The following TNK1 variants were observed in gnomAD, a reference collection of about 807,000 sequenced individuals.
TNK1 encodes the protein tyrosine kinase non receptor 1, also known as non-receptor tyrosine-protein kinase TNK1.
Under a neutral mutation model 65.2 loss-of-function variants are expected in TNK1, and 53 were observed. That is an observed-to-expected ratio of 0.81 (90% CI 0.65 to 1.02). The LOEUF (loss-of-function observed/expected upper bound fraction) is 1.02, where lower values mean the gene tolerates loss of function less well. TNK1 is among the 50% of genes least tolerant of loss of function. The pLI, the probability that TNK1 is intolerant of heterozygous loss-of-function variation, is 0.00. For synonymous variants in TNK1, 353 were observed against 364.6 expected (o/e 0.97, Z 0.36); for missense variants, 837 against 878.4 (o/e 0.95, Z 0.60).
At position 7,386,553 on chromosome 17, in the gene TNK1, C is replaced by A. The variant is rs1395245428; in HGVS notation, c.1138-8C>A. The stretch of plus-strand genomic sequence containing the variant: ...AAGCCCAGCCACCCTTTCCTCTTGT[C>A]TCCACAGGCCGGGCCTTCGGAAGCA... On this transcript the variant is annotated splice_polypyrimidine_tract_variant and splice_region_variant and intron_variant, in intron 7 of 12. Coordinates refer to ENST00000688331, the MANE Select transcript of TNK1 (RefSeq NM_003985.6). The A allele has an allele frequency of 1.3e-6, 2 of 1,593,816 alleles. No homozygotes were observed. Among genetic ancestry groups the A allele is most frequent in the African/African-American group, 2.7e-5 (2 of 74,638 alleles).
Position 7,383,774 on chromosome 17 carries a change from C to T in TNK1, c.492C>T (p.Asp164=), listed in dbSNP as rs776446959. 6.2e-7 allele frequency: 1 copy of T among 1,613,004 alleles called. No individual in the cohort carries two copies. Among genetic ancestry groups the T allele is most frequent in the Non-Finnish European group, 8.5e-7 (1 of 1,179,470 alleles). ...PEGPMGTELG[D]FLREVSVMMN... is the part of the protein sequence containing the mutation. The stretch of plus-strand genomic sequence containing the variant: ...GCCCGATGGGCACAGAACTGGGGGA[C>T]TTCCTGCGAGAGGTATCGGTCATGA... The change falls in exon 5 of 13, where the codon GAC becomes GAT. Residue 164 remains aspartate (D), a synonymous_variant. Coordinates refer to ENST00000688331, the MANE Select transcript of TNK1 (RefSeq NM_003985.6).
At chr17:7,383,655 C>T (rs372281642) in intron 4 of TNK1, 39 bp downstream of exon 4, 3 of 1,596,850 alleles carry the variant, frequency 1.9e-6, no homozygotes, top group African/African-American at 1.3e-5. Context: ...AGGCCAGCTG[C>T]CCCCTCTGTT....
chr17:7,387,453 G>T lies in TNK1; in HGVS notation c.1473G>T (p.Met491Ile). 6.3e-7 allele frequency: 1 copy of T among 1,575,090 alleles called. No individual in the cohort carries two copies. Among genetic ancestry groups the T allele is most frequent in the Non-Finnish European group, 8.6e-7 (1 of 1,159,976 alleles). ...GGAGGAACATGCCCCTGGAGAGGATGAAAGGTGGGTGTGGTGGACTCCAGA... is the reference window on the plus strand; with the variant it reads ...GGAGGAACATGCCCCTGGAGAGGATTAAAGGTGGGTGTGGTGGACTCCAGA... The part of the protein sequence containing the change: ...GQRRNMPLER[M>I]KGISRSLESV... The change falls in exon 10 of 13, where the codon ATG (methionine) becomes ATT (isoleucine). Residue 491 changes from methionine to isoleucine, a missense_variant. Coordinates refer to ENST00000688331, the MANE Select transcript of TNK1 (RefSeq NM_003985.6).
At chr17:7,385,631 C>T (rs1437825173) in intron 7 of TNK1, among the ~76,000 whole-genome samples, 1 of 152,002 alleles carries the variant, frequency 6.6e-6, no homozygotes, top group Non-Finnish European at 1.5e-5. Flanking sequence ...GTGGTGGGAT[C>T]TTGGCTCACT....
At position 7,384,720 on chromosome 17, in the gene TNK1, C is replaced by T; in HGVS notation, c.1103C>T (p.Pro368Leu). 6.3e-7 allele frequency: 1 copy of T among 1,585,732 alleles called. No homozygotes were observed. Among genetic ancestry groups the T allele is most frequent in the Non-Finnish European group, 8.5e-7 (1 of 1,169,980 alleles). The change falls in exon 7 of 13, where the codon CCT becomes CTT. Residue 368 changes from proline (P) to leucine (L), a missense_variant. Pro to Leu is a moderately conservative substitution (Grantham distance 98). Coordinates refer to ENST00000688331, the MANE Select transcript of TNK1 (RefSeq NM_003985.6). The part of the protein sequence containing the change: ...RCWAPHPADR[P>L]SFSHLEGLLQ... ...TGGGCCCCCCACCCTGCCGACCGGC[C>T]TAGCTTTTCCCACCTGGAGGGGCTG... is the stretch of plus-strand genomic sequence containing the variant.
In TNK1 at chr17:7,389,351, A is replaced by C; in HGVS notation, c.*267A>C. Reference sequence around the variant, plus strand: ...TCTAGTCTGCCCACTACATTCTCAAACAAGAGGACTTGGAAGAAAAGAGCT... The same window carrying C: ...TCTAGTCTGCCCACTACATTCTCAACCAAGAGGACTTGGAAGAAAAGAGCT... On this transcript the variant is annotated 3_prime_UTR_variant, in exon 13 of 13. Coordinates refer to ENST00000688331, the MANE Select transcript of TNK1 (RefSeq NM_003985.6). 1.9e-6 allele frequency: 1 copy of C among 534,734 alleles called. No homozygotes were observed. The highest frequency in any genetic ancestry group is 3.0e-5 in the South Asian group (1 of 33,662). 33.1% of individuals were successfully genotyped at this position (534,734 alleles called of 1,614,324 possible).
At position 7,388,450 on chromosome 17, in the gene TNK1, C is replaced by T. The variant is rs753875023; in HGVS notation, c.1522C>T (p.Pro508Ser). ...LESVLSLGPR[P>S]TGGGSSPPEI... ...GTCAGTTCTGTCCCTCGGTCCTCGTCCCACAGGGGGTGGTTCAAGCCCCCC... is the reference window on the plus strand; with the variant it reads ...GTCAGTTCTGTCCCTCGGTCCTCGTTCCACAGGGGGTGGTTCAAGCCCCCC... Residue 508 changes from proline to serine, a missense_variant, in exon 11 of 13, where the codon CCC becomes TCC. Pro to Ser is a moderately conservative substitution (Grantham distance 74, BLOSUM62 -1). Transcript: ENST00000688331. The surrounding 1 kb of genome is among the most constrained non-coding windows in gnomAD (Gnocchi z 4.5). The T allele has an allele frequency of 1.2e-6, 2 of 1,613,648 alleles. No homozygotes were observed. The highest frequency in any genetic ancestry group is 1.7e-6 in the Non-Finnish European group (2 of 1,179,758).
chr17:7,382,260 C>T lies in TNK1; in HGVS notation c.-91-576C>T, dbSNP rs1468425288. On this transcript the variant is annotated intron_variant, in intron 1 of 12. Coordinates refer to ENST00000688331, the MANE Select transcript of TNK1 (RefSeq NM_003985.6). The surrounding 1 kb of genome is among the most constrained non-coding windows in gnomAD (Gnocchi z 4.1). ...CAGCCTAGATGACAGAGCGAGACTC[C>T]GTCTCAAAAAAAAAAAAAAAGAGGA... Among the ~76,000 whole-genome samples the T allele has an allele frequency of 1.9e-4, 13 of 70,232 alleles. No individual in the cohort carries two copies. In the South Asian group the frequency reaches 2.0e-3, roughly 11 times the overall value. The allele number at this position is 70,232 out of a possible 152,430, so 46.1% of individuals were successfully genotyped here. A position where few individuals can be genotyped will look rare whatever the true frequency, so the allele number is the denominator to read the frequency against.
At chr17:7,385,364 C>CA (rs527619972) in intron 7 of TNK1, among the ~76,000 whole-genome samples, 57,670 of 130,228 alleles carry the variant, frequency 0.44, 13,020 homozygotes, top group Non-Finnish European at 0.5. Context: ...AACTCCGTCT[C>CA]AAAAAAAAAA....
chr17:7,384,124 T>C lies in TNK1; in HGVS notation c.737T>C (p.Leu246Pro). The change falls in exon 6 of 13, where the codon CTC becomes CCC. Residue 246 changes from leucine (L) to proline (P), a missense_variant. Physicochemically the swap from Leu to Pro is moderately conservative, Grantham distance 98. Coordinates refer to ENST00000688331, the MANE Select transcript of TNK1 (RefSeq NM_003985.6). ...LGARGLVHRD[L>P]ATRNLLLASP... ...GCCCGCGGGCTGGTGCACCGAGACC[T>C]CGCTACGCGCAACCTACTGCTGGCG... The C allele has an allele frequency of 6.5e-7, 1 of 1,548,268 alleles. No homozygotes were observed. The highest frequency in any genetic ancestry group is 2.4e-5 in the East Asian group (1 of 41,450).
Position 7,387,449 on chromosome 17 carries a change from G to A in TNK1, c.1469G>A (p.Arg490Lys). The stretch of plus-strand genomic sequence containing the variant: ...CAGAGGAGGAACATGCCCCTGGAGA[G>A]GATGAAAGGTGGGTGTGGTGGACTC... ...RGQRRNMPLE[R>K]MKGISRSLES... The change falls in exon 10 of 13, where the codon AGG (arginine) becomes AAG (lysine). Residue 490 changes from arginine to lysine, a missense_variant. Physicochemically the swap from Arg to Lys is conservative, Grantham distance 26. Transcript: ENST00000688331. 6.3e-7 allele frequency: 1 copy of A among 1,581,584 alleles called. No individual in the cohort carries two copies. The highest frequency in any genetic ancestry group is 1.8e-5 in the Admixed American group (1 of 54,976).
chr17:7,387,411 C>T lies in TNK1; in HGVS notation c.1431C>T (p.Pro477=). Residue 477 remains proline (P), a synonymous_variant, in exon 10 of 13, where the codon CCC becomes CCT. Coordinates refer to ENST00000688331, the MANE Select transcript of TNK1 (RefSeq NM_003985.6). The part of the protein sequence containing the change: ...DRKKANLWDA[P]PARGQRRNMP... ...AGAAGGCAAATCTTTGGGATGCGCCCCCAGCACGGGGCCAGAGGAGGAACA... is the reference window on the plus strand; with the variant it reads ...AGAAGGCAAATCTTTGGGATGCGCCTCCAGCACGGGGCCAGAGGAGGAACA... 13 of 1,605,796 alleles carry T rather than the reference C, an allele frequency of 8.1e-6. No individual in the cohort carries two copies. The highest frequency in any genetic ancestry group is 1.0e-5 in the Non-Finnish European group (12 of 1,176,502).
intron 7 of TNK1, among the ~76,000 whole-genome samples, chr17:7,386,110 C>T (rs1436609808): frequency 1.3e-5 from 2 of 152,178 alleles, no homozygotes; most frequent in Admixed American, 1.3e-4. Context: ...CATGACGGCA[C>T]TCTGATGTGG....
chr17:7,382,197 C>T lies in TNK1; in HGVS notation c.-91-639C>T, dbSNP rs1386764141. On this transcript the variant is annotated intron_variant, in intron 1 of 12. Coordinates refer to ENST00000688331, the MANE Select transcript of TNK1 (RefSeq NM_003985.6). This position sits in a 1 kb window ranked among gnomAD's most constrained non-coding sequence, Gnocchi z 4.1. ...AGAAGAATTGCTTGAACCCGGGAGGCGGAGGTTGCAGCGAGCTGAGATCAC... is the reference window on the plus strand; with the variant it reads ...AGAAGAATTGCTTGAACCCGGGAGGTGGAGGTTGCAGCGAGCTGAGATCAC... Among the ~76,000 whole-genome samples the T allele has an allele frequency of 2.7e-5, 4 of 147,464 alleles. No individual in the cohort carries two copies. Among genetic ancestry groups the T allele is most frequent in the Admixed American group, 1.4e-4 (2 of 14,372 alleles).
intron 10 of TNK1, among the ~76,000 whole-genome samples, chr17:7,387,885 T>C (rs186388802): frequency 1.4e-3 from 211 of 152,294 alleles, no homozygotes; most frequent in African/African-American, 5.0e-3. Context: ...ATTACAGGCG[T>C]GAGACACTGC....
intron 7 of TNK1, among the ~76,000 whole-genome samples, chr17:7,385,462 G>A (rs1026073188): frequency 4.6e-5 from 7 of 152,114 alleles, no homozygotes; most frequent in South Asian, 2.1e-4. Flanking sequence ...AAGCTAACAC[G>A]TAGAGCACTT....
At position 7,382,098 on chromosome 17, in the gene TNK1, T is replaced by G. The variant is rs1051057338; in HGVS notation, c.-91-738T>G. 6.6e-6 allele frequency among the ~76,000 whole-genome samples: 1 copy of G among 152,104 alleles called. No individual in the cohort carries two copies. Among genetic ancestry groups the G allele is most frequent in the Non-Finnish European group, 1.5e-5 (1 of 68,026 alleles). ...CTGGCCAATATGGTGAAACCCCATC[T>G]CTACTAAAAATACAAAAAATAGCCG... On this transcript the variant is annotated intron_variant, in intron 1 of 12. Coordinates refer to ENST00000688331, the MANE Select transcript of TNK1 (RefSeq NM_003985.6). The surrounding 1 kb of genome is among the most constrained non-coding windows in gnomAD (Gnocchi z 4.1).
chr17:7,389,062 G>A lies in TNK1; in HGVS notation c.1964G>A (p.Arg655His), dbSNP rs559780862. ...CAGTGGGACCTCTCAGCTGCCAGCC[G>A]CTATGTCCTGGCCAGGCCCTGAGCT... ...HYQWDLSAAS[R>H]YVLARP Residue 655 changes from arginine (R) to histidine (H), a missense_variant, in exon 13 of 13, where the codon CGC (arginine) becomes CAC (histidine). Transcript: ENST00000688331. The A allele has an allele frequency of 5.1e-5, 79 of 1,553,368 alleles. No individual in the cohort carries two copies. The African/African-American group carries it at 8.1e-4, about 16-fold the overall frequency.
rs1905243437 is a variant in TNK1, at chr17:7,387,423, C to T, written c.1443C>T (p.Gly481=). 2 of 1,604,594 alleles carry T rather than the reference C, an allele frequency of 1.2e-6. No homozygotes were observed. Among genetic ancestry groups the T allele is most frequent in the Non-Finnish European group, 1.7e-6 (2 of 1,175,964 alleles). ...ANLWDAPPAR[G]QRRNMPLERM... ...TTTGGGATGCGCCCCCAGCACGGGG[C>T]CAGAGGAGGAACATGCCCCTGGAGA... The change falls in exon 10 of 13, where the codon GGC becomes GGT. Residue 481 remains glycine (G), a synonymous_variant. Transcript: ENST00000688331.
Sources: allele counts gnomAD v4.1 joint callset (sites outside exome capture counted in the v4.1 genomes callset), GRCh38; gene constraint gnomAD v4.1.1; non-coding constraint Gnocchi (gnomAD v3.1); transcripts MANE v1.5; gene names NCBI Gene and HGNC (gene_info 2026-07-23, HGNC 2026-07-21).